The following HIBCH variants were observed in gnomAD, a reference collection of about 807,000 sequenced individuals.
HIBCH encodes the protein 3-hydroxyisobutyryl-CoA hydrolase, mitochondrial.
In HIBCH, 50 loss-of-function variants were observed where a neutral mutation model predicts 58.2. The observed-to-expected ratio is 0.86, with a 90% confidence interval of 0.68 to 1.09. The LOEUF (loss-of-function observed/expected upper bound fraction) is 1.09, where lower values mean the gene tolerates loss of function less well. HIBCH is among the 50% of genes least tolerant of loss of function. HIBCH has a pLI of 0.00. For synonymous variants in HIBCH, 151 were observed against 146.9 expected, an observed-to-expected ratio of 1.03 and a Z score of -0.20; for missense variants, 450 against 449.7, an observed-to-expected ratio of 1.00 and a Z score of -0.01.
At chr2:190,300,494 T>G (rs1575759917) in intron 2 of HIBCH, among the ~76,000 whole-genome samples, 1 of 152,164 alleles carries the variant, frequency 6.6e-6, no homozygotes, top group East Asian at 1.9e-4. Flanking sequence ...TTCATGTACT[T>G]TGCCCATTTT....
intron 11 of HIBCH, among the ~76,000 whole-genome samples, chr2:190,230,250 T>C (rs1456883125): frequency 6.6e-6 from 1 of 150,394 alleles, no homozygotes; most frequent in Non-Finnish European, 1.5e-5. Context: ...AATATAAAGA[T>C]GGAAAAATAA....
chr2:190,259,159 A>G (rs569683769), intron 7 of HIBCH, among the ~76,000 whole-genome samples: 1 of 152,218 alleles, frequency 6.6e-6, no homozygotes, highest in South Asian at 2.1e-4. Flanking sequence ...GAAAACTGAC[A>G]TTGGGATTTT....
chr2:190,290,920 A>G (rs1440680749), intron 4 of HIBCH, among the ~76,000 whole-genome samples: 5 of 152,100 alleles, frequency 3.3e-5, no homozygotes, highest in Non-Finnish European at 5.9e-5. Context: ...CTGAGCCGGG[A>G]GGATCATTTG....
chr2:190,294,672 C>T (rs1022343525), intron 3 of HIBCH, 42 bp from the exon 4 acceptor site: 14 of 1,324,818 alleles, frequency 1.1e-5, no homozygotes, highest in African/African-American at 1.4e-5. Flanking sequence ...ATATTATAAA[C>T]ACAAACTCAT....
At chr2:190,237,834 T>C (rs1686325063) in intron 11 of HIBCH, among the ~76,000 whole-genome samples, 1 of 151,592 alleles carries the variant, frequency 6.6e-6, no homozygotes, top group African/African-American at 2.4e-5. Flanking sequence ...CCCCCTACCC[T>C]GATGGGCCCC....
intron 6 of HIBCH, among the ~76,000 whole-genome samples, chr2:190,272,744 T>C (rs574051352): frequency 1.3e-5 from 2 of 151,988 alleles, no homozygotes; most frequent in African/African-American, 4.8e-5. Flanking sequence ...TTTCCCAGAA[T>C]GCAATACCTT....
rs367915572 is a variant in HIBCH, at chr2:190,254,547, G to A, written c.518-2240C>T. ...TTCTCCCGTGAACACTGAACTCTTA[G>A]ATCTGCCACCTAAACAGAACCACAT... is the stretch of plus-strand genomic sequence containing the variant. On this transcript the variant is annotated intron_variant, in intron 7 of 13. Coordinates refer to ENST00000359678, the MANE Select transcript of HIBCH (RefSeq NM_014362.4). The surrounding 1 kb of genome is among the most constrained non-coding windows in gnomAD (Gnocchi z 5.0). 2.4e-4 allele frequency among the ~76,000 whole-genome samples: 37 copies of A among 152,260 alleles called. No individual in the cohort carries two copies. In the East Asian group the frequency reaches 3.5e-3, roughly 14 times the overall value.
intron 2 of HIBCH, among the ~76,000 whole-genome samples, chr2:190,300,349 T>C (rs1039182027): frequency 7.9e-5 from 12 of 152,144 alleles, no homozygotes; most frequent in Non-Finnish European, 1.5e-4. Context: ...TTTTTAACAA[T>C]AGCCATTCTG....
downstream of HIBCH, chr2:190,200,417 TCTTC>T (rs1448678804): frequency 5.9e-6 from 2 of 338,006 alleles, no homozygotes; most frequent in Non-Finnish European, 1.2e-5. Flanking sequence ...TCACAGCACT[TCTTC>T]CTAAGTAATG....
rs767621184 is a variant in HIBCH, at chr2:190,319,774, C to G, written c.-24G>C. The stretch of plus-strand genomic sequence containing the variant: ...ATCGCCAAACACTCCGAAGCTAAAG[C>G]AGCAGAGCGAGAATCTCCCGGACCG... On this transcript the variant is annotated 5_prime_UTR_variant, in exon 1 of 14. Coordinates refer to ENST00000359678, the MANE Select transcript of HIBCH (RefSeq NM_014362.4). 1.0e-5 allele frequency: 16 copies of G among 1,607,900 alleles called. No individual in the cohort carries two copies. In the South Asian group the frequency reaches 1.3e-4, roughly 13 times the overall value.
chr2:190,305,361 G>A (rs913140081), intron 2 of HIBCH, among the ~76,000 whole-genome samples: 4 of 152,152 alleles, frequency 2.6e-5, no homozygotes, highest in Admixed American at 2.6e-4. Context: ...TGCTCCTGCT[G>A]AAGGTGCTAG....
chr2:190,299,588 AAC>A (rs1688205355), intron 2 of HIBCH, among the ~76,000 whole-genome samples: 1 of 152,226 alleles, frequency 6.6e-6, no homozygotes, highest in Non-Finnish European at 1.5e-5. Flanking sequence ...CAGAACCTGA[AAC>A]AGTCTGACAC....
At chr2:190,301,080 GTTAATCTTAGTTAACA>G (rs923928286) in intron 2 of HIBCH, among the ~76,000 whole-genome samples, 10 of 152,224 alleles carry the variant, frequency 6.6e-5, no homozygotes, top group African/African-American at 2.2e-4. Context: ...AACTTAAAAT[GTTAATCTTAGTTAACA>G]TTTCCCACTC....
intron 6 of HIBCH, among the ~76,000 whole-genome samples, chr2:190,270,280 T>TTTA (rs1553502974): frequency 0.012 from 1,782 of 148,340 alleles, 12 homozygotes; most frequent in African/African-American, 0.021. Flanking sequence ...TTTTTTTTTT[T>TTTA]AAAAAAAAAG....
At chr2:190,201,096 A>AAAGAT (rs1311700972), downstream of HIBCH, 20 of 167,062 alleles carry the variant, frequency 1.2e-4, no homozygotes, top group Admixed American at 3.3e-4. Flanking sequence ...GCAAAACGGA[A>AAAGAT]AAGATAAAAC....
chr2:190,200,161 A>C, downstream of HIBCH: 1 of 1,609,860 alleles, frequency 6.2e-7, no homozygotes, highest in Non-Finnish European at 8.5e-7. Context: ...CTGTAGGATG[A>C]CAACACTTTG....
At chr2:190,295,290 C>A (rs115963955) in intron 3 of HIBCH, among the ~76,000 whole-genome samples, 1 of 152,146 alleles carries the variant, frequency 6.6e-6, no homozygotes, top group Admixed American at 6.5e-5. Flanking sequence ...ATGCTTGGGA[C>A]CAAAAGTGTT....
chr2:190,251,615 C>G (rs1686773515), intron 8 of HIBCH: 3 of 416,326 alleles, frequency 7.2e-6, no homozygotes, highest in African/African-American at 4.3e-5. Context: ...GACTTAAACT[C>G]AAACTATCTA....
At position 190,246,165 on chromosome 2, in the gene HIBCH, G is replaced by A. The variant is rs2105934821; in HGVS notation, c.798C>T (p.Asp266=). 6.3e-7 allele frequency: 1 copy of A among 1,578,326 alleles called. No individual in the cohort carries two copies. The highest frequency in any genetic ancestry group is 8.7e-7 in the Non-Finnish European group (1 of 1,148,456). ...CTCTTTTTAGGTACCTGTTTATTTT[G>A]TCCATGTGTTCCTCAAGTATAAAAG... is the stretch of plus-strand genomic sequence containing the variant. ...DKSFILEEHM[D]KINSCFSANT... Residue 266 remains aspartate, a synonymous_variant, in exon 10 of 14, where the codon GAC becomes GAT. Transcript: ENST00000359678.
Sources: gnomAD v4.1 joint callset for allele counts (sites outside exome capture counted in the v4.1 genomes callset) on GRCh38, gnomAD v4.1.1 for gene constraint, Gnocchi (gnomAD v3.1) non-coding constraint, MANE v1.5 for transcripts, NCBI Gene and HGNC (gene_info 2026-07-23, HGNC 2026-07-21) for gene names.